UBAC2: variants seen among roughly 807,000 people sequenced by gnomAD.
The protein encoded by UBAC2 is UBA domain containing 2.
A neutral mutation model predicts 44.0 loss-of-function variants in UBAC2; 26 were observed. The observed-to-expected ratio is 0.59, with a 90% CI of 0.43 to 0.82. The LOEUF (loss-of-function observed/expected upper bound fraction) is 0.82, where lower values mean the gene tolerates loss of function less well. UBAC2 is among the 40% of genes least tolerant of loss of function. UBAC2 has a pLI of 0.00. For missense variants in UBAC2, 329 were observed against 419.4 expected, an observed-to-expected ratio of 0.78 and a Z score of 1.88; for synonymous variants, 155 against 154.3, an observed-to-expected ratio of 1.00 and a Z score of -0.04.
chr13:99,295,268 G>C lies in UBAC2; in HGVS notation c.390-18829G>C. On this transcript the variant is annotated intron_variant, in intron 4 of 8. Coordinates refer to ENST00000403766, the MANE Select transcript of UBAC2 (RefSeq NM_001144072.2). This position sits in a 1 kb window ranked among gnomAD's most constrained non-coding sequence, Gnocchi z 4.1. ...GCAATTGAAGTTCATCAGGCATACT[G>C]TAAAGTGCAGAGAAATCTGGAACGA... 1 of 1,614,156 alleles carries C rather than the reference G, an allele frequency of 6.2e-7. No individual in the cohort carries two copies. Among genetic ancestry groups the C allele is most frequent in the Non-Finnish European group, 8.5e-7 (1 of 1,180,004 alleles).
intron 8 of UBAC2, among the ~76,000 whole-genome samples, chr13:99,383,641 C>A (rs1017731705): frequency 6.6e-6 from 1 of 152,236 alleles, no homozygotes; most frequent in Non-Finnish European, 1.5e-5. Context: ...CGTCAGTCCC[C>A]GTGCTAAGGG....
chr13:99,281,403 A>G (rs962742965), intron 4 of UBAC2, among the ~76,000 whole-genome samples: 1 of 152,046 alleles, frequency 6.6e-6, no homozygotes, highest in African/African-American at 2.4e-5. Context: ...AAAAGTTCTC[A>G]CACTTTGGGC....
Position 99,229,877 on chromosome 13 carries a change from T to G in UBAC2, c.32-8550T>G, listed in dbSNP as rs182191445. On this transcript the variant is annotated intron_variant, in intron 1 of 8. Transcript: ENST00000403766. ...CAGCGACATTGAGAATTAAAGGGTTTTATTTCTTTGTAAGAAACTTACCAG... is the reference window on the plus strand; with the variant it reads ...CAGCGACATTGAGAATTAAAGGGTTGTATTTCTTTGTAAGAAACTTACCAG... Among the ~76,000 whole-genome samples the G allele has an allele frequency of 4.7e-4, 71 of 152,366 alleles. No homozygotes were observed. In the East Asian group the frequency reaches 0.013, roughly 28 times the overall value.
chr13:99,309,198 C>T (rs1566496289), intron 4 of UBAC2, among the ~76,000 whole-genome samples: 2 of 151,998 alleles, frequency 1.3e-5, no homozygotes, highest in Non-Finnish European at 2.9e-5. Context: ...GCAACCTCCA[C>T]CTCCCGGCTT....
At chr13:99,382,534 G>C (rs1223351451) in intron 8 of UBAC2, among the ~76,000 whole-genome samples, 1 of 152,178 alleles carries the variant, frequency 6.6e-6, no homozygotes, top group Non-Finnish European at 1.5e-5. Flanking sequence ...GCCCTGGTGA[G>C]ACCACACCCG....
At chr13:99,238,082 A>G (rs1288705955) in intron 1 of UBAC2, among the ~76,000 whole-genome samples, 1 of 152,234 alleles carries the variant, frequency 6.6e-6, no homozygotes, top group Non-Finnish European at 1.5e-5. Flanking sequence ...CATGCTCAGG[A>G]GCTAACTGGC....
In UBAC2 at chr13:99,384,150, C is replaced by T. The variant is rs532758708; in HGVS notation, c.928-1078C>T. 2.6e-5 allele frequency among the ~76,000 whole-genome samples: 4 copies of T among 152,166 alleles called. No homozygotes were observed. The South Asian group carries it at 8.3e-4, about 32-fold the overall frequency. On this transcript the variant is annotated intron_variant, in intron 8 of 8. Transcript: ENST00000403766. Reference sequence around the variant, plus strand: ...GGTGATACTGGGCCCCTTCTCTTTCCACCATGTAGCACCAAGTAGCTCGCT... The same window carrying T: ...GGTGATACTGGGCCCCTTCTCTTTCTACCATGTAGCACCAAGTAGCTCGCT...
chr13:99,367,946 T>C (rs1245707068), intron 8 of UBAC2, 40 bp downstream of exon 8: 1 of 1,594,460 alleles, frequency 6.3e-7, no homozygotes. Context: ...TCTAAATCCA[T>C]GTTTCAGAGT....
chr13:99,376,092 TAAGGA>T lies in UBAC2; in HGVS notation c.927+8190_927+8194del, dbSNP rs548325000. Among the ~76,000 whole-genome samples, 4 of 150,006 alleles carry T rather than the reference TAAGGA, an allele frequency of 2.7e-5. No individual in the cohort carries two copies. In the East Asian group the frequency reaches 5.9e-4, roughly 22 times the overall value. On this transcript the variant is annotated intron_variant, in intron 8 of 8. Coordinates refer to ENST00000403766, the MANE Select transcript of UBAC2 (RefSeq NM_001144072.2). ...ATCATAGATGTTTAAAAATAAAAAA[TAAGGA>T]AAGAGAAACTGGTACAGATTTATTT...
chr13:99,325,999 A>G (rs964176625), intron 6 of UBAC2, among the ~76,000 whole-genome samples: 1 of 152,208 alleles, frequency 6.6e-6, no homozygotes, highest in African/African-American at 2.4e-5. Context: ...TGGTGATGAC[A>G]TGAGAGTGCC....
intron 4 of UBAC2, among the ~76,000 whole-genome samples, chr13:99,267,936 G>C (rs550948118): frequency 6.6e-6 from 1 of 152,118 alleles, no homozygotes; most frequent in African/African-American, 2.4e-5. Context: ...GCTCTGTACC[G>C]GTAAGTCGTC....
chr13:99,298,579 C>A (rs1159521928), intron 4 of UBAC2, among the ~76,000 whole-genome samples: 1 of 151,914 alleles, frequency 6.6e-6, no homozygotes, highest in African/African-American at 2.4e-5. Flanking sequence ...GTTCAAGAAG[C>A]TAGAAAAGAA....
At chr13:99,290,524 G>A (rs1437959210) in intron 4 of UBAC2, among the ~76,000 whole-genome samples, 1 of 151,970 alleles carries the variant, frequency 6.6e-6, no homozygotes. Context: ...TCAGGAGTTT[G>A]AGACCAGCCT....
At chr13:99,338,039 C>CTTTTTTTTTTTTTTT (rs747905404) in intron 6 of UBAC2, among the ~76,000 whole-genome samples, 21 of 91,554 alleles carry the variant, frequency 2.3e-4, no homozygotes, top group Non-Finnish European at 2.1e-4. Context: ...AACTTTTTTT[C>CTTTTTTTTTTTTTTT]TTTTTTTCTT....
chr13:99,201,668 C>G, intron 1 of UBAC2: 1 of 1,180,396 alleles, frequency 8.5e-7, no homozygotes, highest in Non-Finnish European at 1.2e-6. Flanking sequence ...CAGTTAGGCA[C>G]GGGTACAGCA....
At chr13:99,237,119 T>G (rs987773906) in intron 1 of UBAC2, among the ~76,000 whole-genome samples, 16 of 152,266 alleles carry the variant, frequency 1.1e-4, no homozygotes, top group Admixed American at 8.5e-4. Context: ...TCAACTGAAG[T>G]GTCCATCAAT....
intron 4 of UBAC2, chr13:99,255,614 A>C (rs760134164): frequency 6.2e-7 from 1 of 1,614,204 alleles, no homozygotes; most frequent in South Asian, 1.1e-5. Flanking sequence ...CCAAATGGCC[A>C]TTCATCTTTT....
chr13:99,381,589 G>A (rs192756470), intron 8 of UBAC2, among the ~76,000 whole-genome samples: 17 of 152,290 alleles, frequency 1.1e-4, no homozygotes, highest in South Asian at 6.2e-4. Flanking sequence ...GCCAGCTCCC[G>A]TTTGGCCTGA....
intron 4 of UBAC2, among the ~76,000 whole-genome samples, chr13:99,245,081 G>C (rs1289151663): frequency 6.6e-6 from 1 of 152,018 alleles, no homozygotes; most frequent in Non-Finnish European, 1.5e-5. Flanking sequence ...TGATCCACCC[G>C]CCTCGGCCTC....
Sources: gnomAD v4.1 joint callset for allele counts (sites outside exome capture counted in the v4.1 genomes callset) on GRCh38, gnomAD v4.1.1 for gene constraint, Gnocchi (gnomAD v3.1) non-coding constraint, MANE v1.5 for transcripts, NCBI Gene and HGNC (gene_info 2026-07-23, HGNC 2026-07-21) for gene names.